The following TEC variants were observed in gnomAD, a reference collection of about 807,000 sequenced individuals.
TEC encodes tec protein tyrosine kinase.
TEC carries 72 observed loss-of-function variants against 93.0 expected under a neutral mutation model. The observed-to-expected ratio is 0.77, with a 90% CI of 0.64 to 0.94. The LOEUF is 0.94. Ranked by LOEUF, TEC falls within the 40% of genes least tolerant of loss-of-function variation. The pLI, the probability that TEC is intolerant of heterozygous loss-of-function variation, is 0.00. For synonymous variants in TEC, 249 were observed against 247.7 expected, an observed-to-expected ratio of 1.01 and a Z score of -0.05; for missense variants, 630 against 757.9, an observed-to-expected ratio of 0.83 and a Z score of 1.98.
intron 2 of TEC, among the ~76,000 whole-genome samples, chr4:48,178,628 G>T (rs188842647): frequency 6.6e-6 from 1 of 152,280 alleles, no homozygotes; most frequent in East Asian, 1.9e-4. Context: ...ATGCAAAGCA[G>T]TAAGAGGACT....
At chr4:48,225,160 CT>C (rs1314774458) in intron 2 of TEC, among the ~76,000 whole-genome samples, 1 of 151,928 alleles carries the variant, frequency 6.6e-6, no homozygotes, top group African/African-American at 2.4e-5. Flanking sequence ...ATGTCACATC[CT>C]TTTTTTCTCT....
chr4:48,189,960 A>G (rs1315941654), intron 2 of TEC, among the ~76,000 whole-genome samples: 2 of 152,188 alleles, frequency 1.3e-5, no homozygotes, highest in African/African-American at 2.4e-5. Flanking sequence ...TCTGTGAGGG[A>G]CAACAGTCCC....
At chr4:48,224,408 T>G (rs556858339) in intron 2 of TEC, among the ~76,000 whole-genome samples, 284 of 152,192 alleles carry the variant, frequency 1.9e-3, no homozygotes, top group Non-Finnish European at 3.2e-3. Context: ...CTGATCAAAC[T>G]CCAGTGCTGC....
At chr4:48,163,617 T>C (rs1720761646) in intron 8 of TEC, 85 bp downstream of exon 8, 4 of 831,320 alleles carry the variant, frequency 4.8e-6, no homozygotes, top group East Asian at 2.8e-5. Context: ...ATGAAAGATA[T>C]CCATTAATCT....
At chr4:48,159,404 T>C (rs918799577) in intron 8 of TEC, among the ~76,000 whole-genome samples, 1 of 152,088 alleles carries the variant, frequency 6.6e-6, no homozygotes, top group African/African-American at 2.4e-5. Flanking sequence ...TTCTTTTTTA[T>C]TTTTTTGGGA....
chr4:48,181,165 T>C (rs1721567723), intron 2 of TEC, among the ~76,000 whole-genome samples: 1 of 152,028 alleles, frequency 6.6e-6, no homozygotes, highest in Admixed American at 6.5e-5. Context: ...TGAGTGACAA[T>C]TGAACAACCA....
chr4:48,256,671 C>G (rs1354787927), intron 1 of TEC, among the ~76,000 whole-genome samples: 1 of 149,570 alleles, frequency 6.7e-6, no homozygotes, highest in Admixed American at 6.7e-5. Flanking sequence ...AACTTTACTT[C>G]TATCTTCCTA....
At chr4:48,262,295 C>T (rs1246729785) in intron 1 of TEC, among the ~76,000 whole-genome samples, 1 of 144,984 alleles carries the variant, frequency 6.9e-6, no homozygotes, top group Non-Finnish European at 1.5e-5. Context: ...TACCTGAGTT[C>T]AAGAGATTCT....
intron 1 of TEC, among the ~76,000 whole-genome samples, chr4:48,231,660 G>A (rs1723651665): frequency 1.3e-5 from 2 of 152,146 alleles, no homozygotes; most frequent in South Asian, 4.1e-4. Context: ...GGGAAGCTGA[G>A]GCAGGAGAAT....
intron 8 of TEC, 43 bp from the exon 9 acceptor site, chr4:48,156,777 G>A (rs1720421575): frequency 2.0e-6 from 3 of 1,502,286 alleles, no homozygotes; most frequent in Non-Finnish European, 2.7e-6. Flanking sequence ...AGGTTTTTAG[G>A]ATATATTTTA....
chr4:48,182,025 G>A (rs965803990), intron 2 of TEC, among the ~76,000 whole-genome samples: 1 of 152,094 alleles, frequency 6.6e-6, no homozygotes, highest in South Asian at 2.1e-4. Flanking sequence ...GCTCATGCCT[G>A]TAATCCCAGC....
chr4:48,215,476 C>T (rs1723048213), intron 2 of TEC, among the ~76,000 whole-genome samples: 2 of 152,184 alleles, frequency 1.3e-5, no homozygotes, highest in Admixed American at 6.5e-5. Context: ...CACTGTACTC[C>T]AGTCTGGGCA....
chr4:48,261,782 T>G (rs981659754), intron 1 of TEC, among the ~76,000 whole-genome samples: 3 of 152,140 alleles, frequency 2.0e-5, no homozygotes, highest in African/African-American at 2.4e-5. Context: ...GTTAAAAGCT[T>G]TAACCTTGAA....
chr4:48,237,018 C>A (rs1723804184), intron 1 of TEC, among the ~76,000 whole-genome samples: 1 of 152,028 alleles, frequency 6.6e-6, no homozygotes, highest in Non-Finnish European at 1.5e-5. Context: ...TATTATTTGT[C>A]AATTAAAAAA....
At chr4:48,233,412 A>C (rs1723698728) in intron 1 of TEC, among the ~76,000 whole-genome samples, 1 of 151,238 alleles carries the variant, frequency 6.6e-6, no homozygotes, top group Admixed American at 6.6e-5. Context: ...TCCTGGGCAT[A>C]AGTGAACTTC....
At chr4:48,160,769 A>AGAAAGCAAG (rs1306160736) in intron 8 of TEC, among the ~76,000 whole-genome samples, 1 of 145,352 alleles carries the variant, frequency 6.9e-6, no homozygotes, top group African/African-American at 2.5e-5. Flanking sequence ...AAGAAAAGAA[A>AGAAAGCAAG]AAAAGAAAGA....
chr4:48,265,326 C>A (rs1724604148), intron 1 of TEC, among the ~76,000 whole-genome samples: 1 of 150,424 alleles, frequency 6.6e-6, no homozygotes, highest in East Asian at 1.9e-4. Flanking sequence ...ACAATATGAG[C>A]TTCTCACAGA....
intron 2 of TEC, among the ~76,000 whole-genome samples, chr4:48,219,199 A>G (rs1199649035): frequency 6.6e-6 from 1 of 152,252 alleles, no homozygotes; most frequent in Non-Finnish European, 1.5e-5. Flanking sequence ...GGACATTGTG[A>G]GAAGTGACCT....
intron 2 of TEC, among the ~76,000 whole-genome samples, chr4:48,206,763 A>C (rs1320996874): frequency 7.0e-6 from 1 of 142,322 alleles, no homozygotes; most frequent in African/African-American, 2.7e-5. Context: ...CAATATAAGG[A>C]GACCTCGTTG....
Sources: allele counts gnomAD v4.1 joint callset (sites outside exome capture counted in the v4.1 genomes callset), GRCh38; gene constraint gnomAD v4.1.1; transcripts MANE v1.5; gene names NCBI Gene and HGNC (gene_info 2026-07-23, HGNC 2026-07-21).